Variants in TRHDE observed in about 807,000 individuals in gnomAD.
TRHDE encodes thyrotropin releasing hormone degrading enzyme, also known as thyrotropin-releasing hormone-degrading ectoenzyme.
A neutral mutation model predicts 125.7 loss-of-function variants in TRHDE; 72 were observed. That is an observed-to-expected ratio of 0.57 (90% CI 0.47 to 0.70). TRHDE has a LOEUF of 0.70. Ranked by LOEUF, TRHDE falls within the 30% of genes least tolerant of loss-of-function variation. TRHDE has a pLI of 0.00. For synonymous variants in TRHDE, 509 were observed against 509.1 expected (o/e 1.00, Z 0.00); for missense variants, 1,110 against 1,327.1 (o/e 0.84, Z 2.54).
At chr12:72,241,544 A>G (rs543844301) in intron 2 of TRHDE, among the ~76,000 whole-genome samples, 1 of 152,242 alleles carries the variant, frequency 6.6e-6, no homozygotes, top group East Asian at 1.9e-4. Flanking sequence ...TTTGTTATTT[A>G]TTCATTTACA....
chr12:72,482,206 TC>T (rs1226904510), intron 5 of TRHDE, among the ~76,000 whole-genome samples: 1 of 151,718 alleles, frequency 6.6e-6, no homozygotes, highest in Non-Finnish European at 1.5e-5. Context: ...TTTGTATTTA[TC>T]TTTTGCTTGG....
At chr12:72,338,779 G>A (rs75728191) in intron 2 of TRHDE, among the ~76,000 whole-genome samples, 1,586 of 152,236 alleles carry the variant, frequency 0.01, 28 homozygotes, top group African/African-American at 0.036. Context: ...GATAAATTTT[G>A]TGAACCTACA....
intron 2 of TRHDE, among the ~76,000 whole-genome samples, chr12:72,211,114 C>T (rs900085128): frequency 6.6e-6 from 1 of 152,142 alleles, no homozygotes; most frequent in Admixed American, 6.5e-5. Context: ...AAACAGGAAC[C>T]CTCTGTCTTT....
intron 3 of TRHDE, among the ~76,000 whole-genome samples, chr12:72,436,899 G>A (rs753496102): frequency 6.6e-5 from 10 of 151,848 alleles, no homozygotes; most frequent in South Asian, 6.2e-4. Context: ...ATTTTAACAC[G>A]CAACTACCCA....
At chr12:72,636,645 A>C (rs1371364821) in intron 15 of TRHDE, among the ~76,000 whole-genome samples, 1 of 152,208 alleles carries the variant, frequency 6.6e-6, no homozygotes, top group Non-Finnish European at 1.5e-5. Flanking sequence ...TGGGTCTGTC[A>C]TAGATAGCTC....
intron 3 of TRHDE, among the ~76,000 whole-genome samples, chr12:72,410,397 A>G (rs1873444792): frequency 6.6e-6 from 1 of 152,180 alleles, no homozygotes; most frequent in Admixed American, 6.5e-5. Context: ...AATTTATTTT[A>G]TGAGGCCAGC....
At chr12:72,356,031 T>C (rs1292857231) in intron 2 of TRHDE, among the ~76,000 whole-genome samples, 2 of 151,796 alleles carry the variant, frequency 1.3e-5, no homozygotes, top group Non-Finnish European at 2.9e-5. Context: ...AGCAATCCCA[T>C]TACTGGGTAT....
At chr12:72,234,971 C>G (rs1305388174) in intron 2 of TRHDE, among the ~76,000 whole-genome samples, 1 of 152,134 alleles carries the variant, frequency 6.6e-6, no homozygotes, top group African/African-American at 2.4e-5. Flanking sequence ...GAGCTCAGAG[C>G]TATTATGGTA....
At chr12:72,614,123 G>A (rs902993434) in intron 12 of TRHDE, among the ~76,000 whole-genome samples, 2 of 151,608 alleles carry the variant, frequency 1.3e-5, no homozygotes, top group Non-Finnish European at 2.9e-5. Flanking sequence ...CACAAAGGGG[G>A]TTCTGCCCTC....
At chr12:72,347,149 T>G (rs1333042317) in intron 2 of TRHDE, among the ~76,000 whole-genome samples, 1 of 152,108 alleles carries the variant, frequency 6.6e-6, no homozygotes, top group Non-Finnish European at 1.5e-5. Flanking sequence ...CTAAATAAAT[T>G]CACATTCTGG....
intron 2 of TRHDE, among the ~76,000 whole-genome samples, chr12:72,354,864 C>G (rs1870742023): frequency 6.6e-6 from 1 of 151,186 alleles, no homozygotes; most frequent in African/African-American, 2.4e-5. Flanking sequence ...ATTCTTTGCC[C>G]AGAGGAGCTG....
At chr12:72,228,886 C>T (rs1407403105) in intron 2 of TRHDE, among the ~76,000 whole-genome samples, 1 of 152,174 alleles carries the variant, frequency 6.6e-6, no homozygotes. Flanking sequence ...CAAGAGTCAC[C>T]TTTTCTCCAG....
chr12:72,466,915 G>A (rs543833927), intron 3 of TRHDE, among the ~76,000 whole-genome samples: 15 of 152,162 alleles, frequency 9.9e-5, no homozygotes, highest in African/African-American at 2.9e-4. Context: ...GTTAATTGAC[G>A]TCCTGCACAC....
chr12:72,482,432 A>G lies in TRHDE; in HGVS notation c.1584+9252A>G, dbSNP rs375737000. Among the ~76,000 whole-genome samples the G allele has an allele frequency of 2.6e-5, 4 of 152,098 alleles. No homozygotes were observed. The East Asian group carries it at 5.8e-4, about 22-fold the overall frequency. ...GGATTAGCAAAATCATAGAATAATCAGAACATTTAGCTACCTATTATTATT... is the reference window on the plus strand; with the variant it reads ...GGATTAGCAAAATCATAGAATAATCGGAACATTTAGCTACCTATTATTATT... On this transcript the variant is annotated intron_variant, in intron 5 of 18. Transcript: ENST00000261180.
At chr12:72,223,801 T>G (rs182410428) in intron 2 of TRHDE, among the ~76,000 whole-genome samples, 1 of 152,198 alleles carries the variant, frequency 6.6e-6, no homozygotes, top group African/African-American at 2.4e-5. Context: ...CCCTTTCAGG[T>G]GTACAAAGTT....
chr12:72,178,494 A>G (rs182039883), intron 2 of TRHDE, among the ~76,000 whole-genome samples: 91 of 152,240 alleles, frequency 6.0e-4, no homozygotes, highest in African/African-American at 2.2e-3. Flanking sequence ...AAAGGAGCCT[A>G]AGCTGATAAC....
intron 2 of TRHDE, among the ~76,000 whole-genome samples, chr12:72,295,496 G>A (rs1291481051): frequency 6.6e-6 from 1 of 152,166 alleles, no homozygotes; most frequent in East Asian, 1.9e-4. Flanking sequence ...GCAAAAAACT[G>A]CTACAGGTAC....
At chr12:72,504,852 A>T (rs1385602306) in intron 6 of TRHDE, among the ~76,000 whole-genome samples, 1 of 152,164 alleles carries the variant, frequency 6.6e-6, no homozygotes, top group Admixed American at 6.5e-5. Flanking sequence ...TTCTCCCTAA[A>T]GATCTCTGTT....
At chr12:72,470,485 AAATT>A (rs1592469271) in intron 4 of TRHDE, among the ~76,000 whole-genome samples, 1 of 152,212 alleles carries the variant, frequency 6.6e-6, no homozygotes, top group African/African-American at 2.4e-5. Context: ...AGCTAAGATA[AAATT>A]AATTTCATTT....
Sources: allele counts gnomAD v4.1 joint callset (sites outside exome capture counted in the v4.1 genomes callset), GRCh38; gene constraint gnomAD v4.1.1; transcripts MANE v1.5; gene names NCBI Gene and HGNC (gene_info 2026-07-23, HGNC 2026-07-21).